Variants in COL24A1 observed in about 807,000 individuals in gnomAD.
COL24A1 encodes collagen alpha-1(XXIV) chain.
COL24A1 carries 224 observed loss-of-function variants against 253.9 expected under a neutral mutation model. The observed-to-expected ratio is 0.88, with a 90% CI of 0.79 to 0.99. The LOEUF (loss-of-function observed/expected upper bound fraction) is 0.99. Among genes scored for constraint, COL24A1 ranks in the 50% least tolerant of loss-of-function variants. The pLI is 0.00. For synonymous variants in COL24A1, 685 were observed against 673.7 expected (o/e 1.02, Z -0.26); for missense variants, 2,131 against 2,068.5 (o/e 1.03, Z -0.59).
At chr1:85,988,028 A>G (rs1399164814) in intron 19 of COL24A1, among the ~76,000 whole-genome samples, 2 of 151,590 alleles carry the variant, frequency 1.3e-5, no homozygotes, top group African/African-American at 4.8e-5. Flanking sequence ...ACTTTGTTGG[A>G]CTCACTATTT....
At chr1:86,051,965 T>C (rs962472136) in intron 10 of COL24A1, among the ~76,000 whole-genome samples, 2 of 151,938 alleles carry the variant, frequency 1.3e-5, no homozygotes, top group East Asian at 3.9e-4. Flanking sequence ...AAAAAGCTCA[T>C]AGAGAAAAAA....
chr1:85,821,384 C>G (rs1673606062), intron 45 of COL24A1, among the ~76,000 whole-genome samples: 1 of 152,074 alleles, frequency 6.6e-6, no homozygotes, highest in Non-Finnish European at 1.5e-5. Flanking sequence ...GTTTCTGTTG[C>G]TAATTAGTTC....
intron 24 of COL24A1, among the ~76,000 whole-genome samples, chr1:85,914,084 T>G (rs1685627426): frequency 6.6e-6 from 1 of 152,164 alleles, no homozygotes; most frequent in Non-Finnish European, 1.5e-5. Flanking sequence ...ACATTGGTCA[T>G]TAGAATTTCA....
chr1:85,835,737 C>A (rs1445857700), intron 43 of COL24A1, among the ~76,000 whole-genome samples: 1 of 151,996 alleles, frequency 6.6e-6, no homozygotes, highest in Non-Finnish European at 1.5e-5. Flanking sequence ...TTTCCAGGGG[C>A]TTGGGGGAAT....
At chr1:85,746,997 T>G (rs899486810) in intron 55 of COL24A1, among the ~76,000 whole-genome samples, 1 of 152,024 alleles carries the variant, frequency 6.6e-6, no homozygotes, top group Admixed American at 6.6e-5. Context: ...AAACCTAGCA[T>G]AGTGGTTCTC....
At chr1:85,840,241 GT>G (rs1185730383) in intron 42 of COL24A1, among the ~76,000 whole-genome samples, 1 of 152,018 alleles carries the variant, frequency 6.6e-6, no homozygotes, top group Non-Finnish European at 1.5e-5. Context: ...CTTTTGCCAA[GT>G]TTTTTCCATT....
chr1:86,125,478 T>A lies in COL24A1; in HGVS notation c.858A>T (p.Glu286Asp). 3.1e-6 allele frequency: 5 copies of A among 1,613,710 alleles called. No homozygotes were observed. Among genetic ancestry groups the A allele is most frequent in the Non-Finnish European group, 8.5e-7 (1 of 1,179,794 alleles). The change falls in exon 3 of 60, where the codon GAA becomes GAT. Residue 286 changes from glutamate (E) to aspartate (D), a missense_variant. By Grantham distance (45) the Glu-to-Asp change is conservative (BLOSUM62 2). Transcript: ENST00000370571. ...EKVLSEDTFT[E>D]GKSIPNIIKN... Reference sequence around the variant, plus strand: ...TTATGATATTTGGAATGCTTTTGCCTTCAGTAAATGTATCCTCTGACAGTA... The same window carrying A: ...TTATGATATTTGGAATGCTTTTGCCATCAGTAAATGTATCCTCTGACAGTA...
At chr1:85,736,013 T>C in intron 58 of COL24A1, 1 of 211,400 alleles carries the variant, frequency 4.7e-6, no homozygotes, top group South Asian at 8.4e-5. Context: ...TTCCTTCATT[T>C]TACAGATTAG....
chr1:85,768,682 G>T (rs911329312), intron 53 of COL24A1, among the ~76,000 whole-genome samples: 1 of 152,036 alleles, frequency 6.6e-6, no homozygotes, highest in Non-Finnish European at 1.5e-5. Flanking sequence ...TCCCTACTCA[G>T]TGCAGGAATA....
chr1:86,156,427 T>C lies in COL24A1; in HGVS notation c.-31A>G. 1 of 1,603,410 alleles carries C rather than the reference T, an allele frequency of 6.2e-7. No homozygotes were observed. Among genetic ancestry groups the C allele is most frequent in the Non-Finnish European group, 8.5e-7 (1 of 1,175,010 alleles). On this transcript the variant is annotated 5_prime_UTR_variant, in exon 1 of 60. An upstream open reading frame in the 5' UTR loses its in-frame stop. Coordinates refer to ENST00000370571, the MANE Select transcript of COL24A1 (RefSeq NM_152890.7). The stretch of plus-strand genomic sequence containing the variant: ...TGCATTTGTCCGTGCAGCAAAGCGC[T>C]AACGGAAAACAGAAGCCAACTCTGA...
At chr1:85,846,022 A>G (rs917005525) in intron 39 of COL24A1, among the ~76,000 whole-genome samples, 1 of 151,848 alleles carries the variant, frequency 6.6e-6, no homozygotes, top group African/African-American at 2.4e-5. Context: ...ATAGTGTGGT[A>G]TTGACCCAGA....
chr1:85,862,413 CA>C (rs1679259002), intron 37 of COL24A1, among the ~76,000 whole-genome samples: 1 of 97,370 alleles, frequency 1.0e-5, no homozygotes, highest in African/African-American at 3.9e-5. Context: ...CCTTTACTTC[CA>C]AAGAAAATCT....
chr1:85,830,603 T>C (rs534625965), intron 43 of COL24A1, among the ~76,000 whole-genome samples: 17 of 152,212 alleles, frequency 1.1e-4, no homozygotes, highest in African/African-American at 1.7e-4. Flanking sequence ...CTCTGAGCCA[T>C]GTGCGGGATA....
intron 59 of COL24A1, among the ~76,000 whole-genome samples, chr1:85,733,439 T>C (rs1398868982): frequency 2.0e-5 from 3 of 152,176 alleles, no homozygotes; most frequent in Non-Finnish European, 4.4e-5. Flanking sequence ...AGTAAATGAA[T>C]TAAGGATGGC....
chr1:86,154,522 G>T (rs1557849713), intron 1 of COL24A1: 2 of 152,598 alleles, frequency 1.3e-5, no homozygotes, highest in Admixed American at 6.5e-5. Flanking sequence ...TTCTTCAGAA[G>T]TTCCTCCGGT....
intron 47 of COL24A1, among the ~76,000 whole-genome samples, chr1:85,810,757 C>T (rs1265406075): frequency 1.3e-5 from 2 of 152,072 alleles, no homozygotes; most frequent in African/African-American, 4.8e-5. Flanking sequence ...GTGTCTGTCC[C>T]CACTTCACCT....
At chr1:85,844,110 A>G (rs948662811) in intron 39 of COL24A1, among the ~76,000 whole-genome samples, 1 of 152,048 alleles carries the variant, frequency 6.6e-6, no homozygotes, top group African/African-American at 2.4e-5. Context: ...GCCCCAAAAA[A>G]GGAAAAGAAA....
chr1:86,056,438 C>T (rs1046133888), intron 10 of COL24A1, among the ~76,000 whole-genome samples: 1 of 152,118 alleles, frequency 6.6e-6, no homozygotes, highest in African/African-American at 2.4e-5. Flanking sequence ...CATCACAGGG[C>T]TGATGGCAAA....
At chr1:86,070,538 A>C (rs536640986) in intron 7 of COL24A1, among the ~76,000 whole-genome samples, 1 of 152,206 alleles carries the variant, frequency 6.6e-6, no homozygotes, top group African/African-American at 2.4e-5. Flanking sequence ...GTATTTAATA[A>C]TCAAACCCTC....
Sources: allele counts gnomAD v4.1 joint callset (sites outside exome capture counted in the v4.1 genomes callset), GRCh38; gene constraint gnomAD v4.1.1; transcripts MANE v1.5; gene names NCBI Gene and HGNC (gene_info 2026-07-23, HGNC 2026-07-21).